Variants in MAP3K20 observed in about 807,000 individuals in gnomAD.
MAP3K20 encodes the protein HCCS-4.
A neutral mutation model predicts 85.7 loss-of-function variants in MAP3K20; 40 were observed. The observed-to-expected ratio is 0.47, with a 90% confidence interval of 0.36 to 0.61. MAP3K20 has a LOEUF of 0.61. Ranked by LOEUF, MAP3K20 falls within the 20% of genes least tolerant of loss-of-function variation. The probability of loss-of-function intolerance (pLI) is 0.00; values close to 1 mark genes in which losing one functional copy is unlikely to be tolerated. For synonymous variants in MAP3K20, 325 were observed against 327.7 expected, an observed-to-expected ratio of 0.99 and a Z score of 0.09; for missense variants, 817 against 961.7, an observed-to-expected ratio of 0.85 and a Z score of 1.99.
At chr2:173,093,468 G>T (rs966804931) in intron 2 of MAP3K20, among the ~76,000 whole-genome samples, 1 of 152,156 alleles carries the variant, frequency 6.6e-6, no homozygotes, top group Non-Finnish European at 1.5e-5. Flanking sequence ...TATGTGAGAG[G>T]AGAAAGGAAG....
chr2:173,247,216 C>T (rs148357910), intron 16 of MAP3K20, among the ~76,000 whole-genome samples: 1,609 of 152,282 alleles, frequency 0.011, 30 homozygotes, highest in African/African-American at 0.036. Context: ...ATGCTTCCCA[C>T]TTGTATTGTG....
chr2:173,232,086 A>G, intron 12 of MAP3K20, 106 bp from the exon 13 acceptor site: 1 of 1,384,740 alleles, frequency 7.2e-7, no homozygotes, highest in South Asian at 1.2e-5. Flanking sequence ...TGGTTGAGCC[A>G]GGAATTAAAG....
chr2:173,210,866 TTC>T (rs934870044), intron 10 of MAP3K20: 6 of 152,192 alleles, frequency 3.9e-5, no homozygotes, highest in African/African-American at 1.4e-4. Flanking sequence ...TCTTTGGGCT[TTC>T]TGTTTGTTGT....
At chr2:173,113,619 T>G (rs1688035566) in intron 2 of MAP3K20, among the ~76,000 whole-genome samples, 1 of 152,224 alleles carries the variant, frequency 6.6e-6, no homozygotes. Context: ...TGAAAAATTT[T>G]TAAATTGCCA....
At chr2:173,242,737 C>A in intron 16 of MAP3K20, among the ~76,000 whole-genome samples, 1 of 129,722 alleles carries the variant, frequency 7.7e-6, no homozygotes, top group African/African-American at 2.9e-5. Flanking sequence ...GACAGAGTCT[C>A]CTTCTGTTGC....
At chr2:173,194,801 T>A (rs2106279798) in intron 7 of MAP3K20, among the ~76,000 whole-genome samples, 1 of 151,810 alleles carries the variant, frequency 6.6e-6, no homozygotes. Flanking sequence ...AACTGCAATA[T>A]ATTTTTGCTT....
intron 1 of MAP3K20, among the ~76,000 whole-genome samples, chr2:173,076,432 C>G (rs575433315): frequency 3.6e-4 from 54 of 152,104 alleles, no homozygotes; most frequent in Middle Eastern, 6.9e-3. Flanking sequence ...TGTCGGGAGG[C>G]GAACCGCGAG....
chr2:173,132,436 T>C (rs1688644395), intron 2 of MAP3K20, among the ~76,000 whole-genome samples: 1 of 152,196 alleles, frequency 6.6e-6, no homozygotes. Context: ...CCTCTCCGAA[T>C]GAGCAGTGTG....
At chr2:173,104,637 G>C (rs1290789251) in intron 2 of MAP3K20, among the ~76,000 whole-genome samples, 1 of 152,138 alleles carries the variant, frequency 6.6e-6, no homozygotes. Context: ...TGTTAACATG[G>C]GGGGAAAACA....
chr2:173,133,503 A>G (rs1310982233), intron 2 of MAP3K20, among the ~76,000 whole-genome samples: 1 of 152,198 alleles, frequency 6.6e-6, no homozygotes, highest in Non-Finnish European at 1.5e-5. Flanking sequence ...AGTTGAGAGC[A>G]TACCTTCAGA....
At position 173,161,410 on chromosome 2, in the gene MAP3K20, G is replaced by A. The variant is rs145259246; in HGVS notation, c.160-8395G>A. On this transcript the variant is annotated intron_variant, in intron 2 of 19. Transcript: ENST00000375213. The stretch of plus-strand genomic sequence containing the variant: ...ATACTGAAGCAAATTCATACCTCCC[G>A]GCATTTTACTCTTCTCACTGTACGG... 3.3e-5 allele frequency among the ~76,000 whole-genome samples: 5 copies of A among 152,226 alleles called. No homozygotes were observed. The East Asian group carries it at 9.7e-4, about 29-fold the overall frequency.
At chr2:173,222,471 C>T (rs1293916288) in intron 11 of MAP3K20, 1 of 985,708 alleles carries the variant, frequency 1.0e-6, no homozygotes, top group Non-Finnish European at 1.2e-6. Context: ...AACACACTGT[C>T]ATTTAAGGCT....
chr2:173,092,394 T>A (rs1434472560), intron 2 of MAP3K20, among the ~76,000 whole-genome samples: 3 of 152,218 alleles, frequency 2.0e-5, no homozygotes, highest in Non-Finnish European at 4.4e-5. Flanking sequence ...ATCCATGTCT[T>A]ACCTTGGACT....
intron 2 of MAP3K20, among the ~76,000 whole-genome samples, chr2:173,131,247 G>C (rs551677841): frequency 7.2e-5 from 11 of 152,310 alleles, no homozygotes; most frequent in African/African-American, 2.4e-4. Flanking sequence ...ATGCCTTATA[G>C]AATACAAAGG....
chr2:173,207,040 C>T (rs1271930154), intron 9 of MAP3K20, among the ~76,000 whole-genome samples: 16 of 91,102 alleles, frequency 1.8e-4, no homozygotes, highest in Admixed American at 5.0e-4. Flanking sequence ...GGGTCGGGGG[C>T]GGGGTGGTGA....
intron 2 of MAP3K20, among the ~76,000 whole-genome samples, chr2:173,099,240 G>A (rs535841956): frequency 2.0e-5 from 3 of 151,754 alleles, no homozygotes; most frequent in Non-Finnish European, 4.4e-5. Flanking sequence ...TTCTCATAGT[G>A]GTGCTAATCT....
chr2:173,168,093 TAAACTTTATTTCTAATAATAATA>T (rs1689889386), intron 2 of MAP3K20, among the ~76,000 whole-genome samples: 1 of 76,746 alleles, frequency 1.3e-5, no homozygotes, highest in Non-Finnish European at 4.5e-5. Flanking sequence ...TAATAATAAA[TAAACTTTATTTCTAATAATAATA>T]AATAAACTTT....
At position 173,221,731 on chromosome 2, in the gene MAP3K20, AGAAGTATATTTAT is replaced by A. The variant is rs1684257157; in HGVS notation, c.987+4485_987+4497del. ...AAAAACGGGGGGAGAATTAAGCCAA[AGAAGTATATTTAT>A]GAATCAGCAAATGTGGTGCCTGATT... On this transcript the variant is annotated intron_variant, in intron 11 of 19. Coordinates refer to ENST00000375213, the MANE Select transcript of MAP3K20 (RefSeq NM_016653.3). The A allele has an allele frequency of 6.2e-6, 8 of 1,288,628 alleles. No individual in the cohort carries two copies. The East Asian group carries it at 2.3e-4, about 36-fold the overall frequency. The allele number at this position is 1,288,628 out of a possible 1,614,324, so 79.8% of individuals were successfully genotyped here.
chr2:173,092,762 T>C (rs921250363), intron 2 of MAP3K20, among the ~76,000 whole-genome samples: 2 of 152,152 alleles, frequency 1.3e-5, no homozygotes, highest in Non-Finnish European at 2.9e-5. Flanking sequence ...TAGGAAAATA[T>C]TAATTGTAAC....
Sources: gnomAD v4.1 joint callset for allele counts (sites outside exome capture counted in the v4.1 genomes callset) on GRCh38, gnomAD v4.1.1 for gene constraint, MANE v1.5 for transcripts, NCBI Gene and HGNC (gene_info 2026-07-23, HGNC 2026-07-21) for gene names.